Variants in TTC28 observed in about 807,000 individuals in gnomAD.
TTC28 encodes tetratricopeptide repeat protein 28.
A neutral mutation model predicts 198.0 loss-of-function variants in TTC28; 61 were observed. The observed-to-expected ratio is 0.31, with a 90% CI of 0.25 to 0.38. The LOEUF (loss-of-function observed/expected upper bound fraction) is 0.38. TTC28 is among the 10% of genes least tolerant of loss of function. The pLI, the probability that TTC28 is intolerant of heterozygous loss-of-function variation, is 1.00. For synonymous variants in TTC28, 1,171 were observed against 1,297.8 expected (o/e 0.90, Z 2.10); for missense variants, 2,678 against 3,164.0 (o/e 0.85, Z 3.69).
chr22:28,040,841 C>T (rs559028570), intron 12 of TTC28, among the ~76,000 whole-genome samples: 30 of 152,156 alleles, frequency 2.0e-4, no homozygotes, highest in Non-Finnish European at 2.8e-4. Context: ...AAAACCCCAT[C>T]GTCTCAGCCC....
intron 5 of TTC28, among the ~76,000 whole-genome samples, chr22:28,192,430 C>G (rs1924909550): frequency 6.6e-6 from 1 of 152,140 alleles, no homozygotes; most frequent in Non-Finnish European, 1.5e-5. Context: ...CGGAACAAAG[C>G]TGGATGGAGA....
intron 3 of TTC28, among the ~76,000 whole-genome samples, chr22:28,302,350 T>C (rs1662034992): frequency 6.6e-6 from 1 of 152,182 alleles, no homozygotes; most frequent in Admixed American, 6.5e-5. Context: ...AGGTACTACG[T>C]AGTGTTCCTT....
chr22:28,596,647 T>C (rs970479876), intron 2 of TTC28, among the ~76,000 whole-genome samples: 2 of 152,236 alleles, frequency 1.3e-5, no homozygotes, highest in African/African-American at 2.4e-5. Flanking sequence ...TAATAGAAGT[T>C]AGAATAATGA....
chr22:28,422,988 T>C (rs1197089609), intron 2 of TTC28, among the ~76,000 whole-genome samples: 2 of 152,190 alleles, frequency 1.3e-5, no homozygotes, highest in East Asian at 1.9e-4. Context: ...AGAGTTTGGT[T>C]TTTTAATGAA....
At chr22:28,587,099 A>C (rs1440854812) in intron 2 of TTC28, among the ~76,000 whole-genome samples, 1 of 152,078 alleles carries the variant, frequency 6.6e-6, no homozygotes, top group African/African-American at 2.4e-5. Flanking sequence ...GCGGGCGCCT[A>C]TAGGCCTAGA....
At chr22:28,131,644 A>T (rs957567860) in intron 6 of TTC28, among the ~76,000 whole-genome samples, 8 of 152,228 alleles carry the variant, frequency 5.3e-5, no homozygotes, top group Admixed American at 5.2e-4. Flanking sequence ...AAGTCAAGTC[A>T]TCCTAAGTCA....
At chr22:28,374,311 TA>T (rs1437445716) in intron 2 of TTC28, among the ~76,000 whole-genome samples, 2 of 152,188 alleles carry the variant, frequency 1.3e-5, no homozygotes, top group Admixed American at 6.5e-5. Context: ...AAGTAAACAG[TA>T]ACAGAAAAAT....
In TTC28 at chr22:28,311,805, C is replaced by G. The variant is rs916948130; in HGVS notation, c.382-5162G>C. Among the ~76,000 whole-genome samples, 10 of 151,918 alleles carry G rather than the reference C, an allele frequency of 6.6e-5. No homozygotes were observed. In the East Asian group the frequency reaches 1.9e-3, roughly 29 times the overall value. On this transcript the variant is annotated intron_variant, in intron 2 of 22. Coordinates refer to ENST00000397906, the MANE Select transcript of TTC28 (RefSeq NM_001145418.2). Reference sequence around the variant, plus strand: ...TACTCATTAACTATCTCACCTTACTCGCCCCCACACACACACTACCCTTTC... The same window carrying G: ...TACTCATTAACTATCTCACCTTACTGGCCCCCACACACACACTACCCTTTC...
intron 13 of TTC28, among the ~76,000 whole-genome samples, chr22:28,015,768 T>A (rs994385665): frequency 3.9e-5 from 6 of 152,004 alleles, no homozygotes; most frequent in Admixed American, 3.3e-4. Context: ...GTTCATAGTT[T>A]AAGAGTTTCT....
chr22:28,622,399 A>T (rs570788203), intron 2 of TTC28, among the ~76,000 whole-genome samples: 5 of 152,328 alleles, frequency 3.3e-5, no homozygotes, highest in African/African-American at 4.8e-5. Flanking sequence ...CAGAGCTTCC[A>T]CTTAAGAAAC....
chr22:27,983,406 A>T lies in TTC28; in HGVS notation c.6261T>A (p.Pro2087=). 6.5e-7 allele frequency: 1 copy of T among 1,548,886 alleles called. No individual in the cohort carries two copies. The highest frequency in any genetic ancestry group is 2.5e-5 in the East Asian group (1 of 40,782). ...AGACTCTCATGCCTCCGGCTGTCCCAGGTTGGGGTTGTTTGTGGTCTGGTG... is the reference window on the plus strand; with the variant it reads ...AGACTCTCATGCCTCCGGCTGTCCCTGGTTGGGGTTGTTTGTGGTCTGGTG... ...CFSPDHKQPQ[P]GTAGGMRVSV... The change falls in exon 23 of 23, where the codon CCT becomes CCA. Residue 2087 remains proline, a synonymous_variant. Coordinates refer to ENST00000397906, the MANE Select transcript of TTC28 (RefSeq NM_001145418.2).
chr22:28,554,443 C>T (rs1464641528), intron 2 of TTC28, among the ~76,000 whole-genome samples: 2 of 151,234 alleles, frequency 1.3e-5, no homozygotes, highest in Admixed American at 6.6e-5. Context: ...TAGAAGACAA[C>T]ATTGGAAAAA....
intron 5 of TTC28, among the ~76,000 whole-genome samples, chr22:28,282,633 G>A (rs897395991): frequency 5.9e-5 from 9 of 152,168 alleles, no homozygotes; most frequent in Admixed American, 1.3e-4. Flanking sequence ...TACAGGTGAT[G>A]AACTAGCAGC....
At chr22:28,588,790 T>C (rs556870813) in intron 2 of TTC28, among the ~76,000 whole-genome samples, 1 of 152,224 alleles carries the variant, frequency 6.6e-6, no homozygotes, top group South Asian at 2.1e-4. Context: ...ACCATCAGAA[T>C]CTCGAGTACT....
At position 28,296,264 on chromosome 22, in the gene TTC28, A is replaced by C; in HGVS notation, c.867T>G (p.Asn289Lys). ...TGTGGTTAGTGAGAGCCTCCCGGTA[A>C]TTTCCTTTGGAGAAGAATGCAGAGC... Reference protein sequence around the residue: ...NLGSAFFSKGNYREALTNHRH... With the variant: ...NLGSAFFSKGKYREALTNHRH... Residue 289 changes from asparagine (N) to lysine (K), a missense_variant, in exon 5 of 23, where the codon AAT (asparagine) becomes AAG (lysine). Asn to Lys is a moderately conservative substitution (Grantham distance 94). Transcript: ENST00000397906. 1 of 1,550,890 alleles carries C rather than the reference A, an allele frequency of 6.4e-7. No individual in the cohort carries two copies. Among genetic ancestry groups the C allele is most frequent in the Non-Finnish European group, 8.7e-7 (1 of 1,146,646 alleles).
chr22:28,567,261 T>G (rs1438615119), intron 2 of TTC28, among the ~76,000 whole-genome samples: 1 of 138,848 alleles, frequency 7.2e-6, no homozygotes, highest in African/African-American at 2.7e-5. Flanking sequence ...TGGTAACACA[T>G]GCCTACAATC....
intron 5 of TTC28, among the ~76,000 whole-genome samples, chr22:28,269,181 C>T (rs1931886816): frequency 6.6e-6 from 1 of 151,812 alleles, no homozygotes; most frequent in Non-Finnish European, 1.5e-5. Flanking sequence ...GGGGCTGTAA[C>T]AGGAGGTGTC....
intron 2 of TTC28, among the ~76,000 whole-genome samples, chr22:28,371,371 G>C (rs534328679): frequency 6.8e-6 from 1 of 147,394 alleles, no homozygotes; most frequent in Admixed American, 6.8e-5. Context: ...TTAGCTGGGC[G>C]TGGTGGCACT....
At chr22:28,081,398 T>G (rs964049154) in intron 12 of TTC28, among the ~76,000 whole-genome samples, 5 of 152,034 alleles carry the variant, frequency 3.3e-5, no homozygotes, top group African/African-American at 1.2e-4. Context: ...GCTTTTTTTG[T>G]TTTTCCTTAA....
Sources: gnomAD v4.1 joint callset for allele counts (sites outside exome capture counted in the v4.1 genomes callset) on GRCh38, gnomAD v4.1.1 for gene constraint, MANE v1.5 for transcripts, NCBI Gene and HGNC (gene_info 2026-07-23, HGNC 2026-07-21) for gene names.